KLF17: variants seen among roughly 807,000 people sequenced by gnomAD.
The protein encoded by KLF17 is Krueppel-like factor 17.
Under a neutral mutation model 34.2 loss-of-function variants are expected in KLF17, and 31 were observed. That is an observed-to-expected ratio of 0.91 (90% CI 0.68 to 1.22). The LOEUF (loss-of-function observed/expected upper bound fraction) is 1.22. Among genes scored for constraint, KLF17 ranks in the 50% most tolerant of loss-of-function variants. The pLI is 0.00. For synonymous variants in KLF17, 179 were observed against 186.7 expected, an observed-to-expected ratio of 0.96 and a Z score of 0.34; for missense variants, 478 against 505.2, an observed-to-expected ratio of 0.95 and a Z score of 0.52.
chr1:44,116,305 C>A (rs553214063), upstream of KLF17, among the ~76,000 whole-genome samples: 197 of 152,302 alleles, frequency 1.3e-3, no homozygotes, highest in African/African-American at 4.6e-3. Flanking sequence ...ACATAAGAGC[C>A]TTCTTACCCC....
At chr1:44,047,191 T>A in the KLF17 span, among the ~76,000 whole-genome samples, 1 of 152,234 alleles carries the variant, frequency 6.6e-6, no homozygotes, top group Non-Finnish European at 1.5e-5. Context: ...AATGTTGTAT[T>A]AGTCAGTAAG....
chr1:44,049,482 T>C, the KLF17 span, among the ~76,000 whole-genome samples: 2 of 152,132 alleles, frequency 1.3e-5, no homozygotes, highest in Admixed American at 1.3e-4. Context: ...AATTATACAG[T>C]ATATATTCTT....
chr1:44,073,232 A>G, the KLF17 span, among the ~76,000 whole-genome samples: 2 of 142,616 alleles, frequency 1.4e-5, no homozygotes, highest in East Asian at 4.1e-4. Flanking sequence ...TTTGAGACAG[A>G]GTCTCACTCC....
At chr1:44,099,866 A>AAAGG in the KLF17 span, among the ~76,000 whole-genome samples, 1 of 64,628 alleles carries the variant, frequency 1.5e-5, no homozygotes, top group South Asian at 6.0e-4. Context: ...AGAAAGAAAG[A>AAAGG]AAGAAAGAAA....
At chr1:44,065,274 C>T in the KLF17 span, among the ~76,000 whole-genome samples, 601 of 147,642 alleles carry the variant, frequency 4.1e-3, 1 homozygote, top group African/African-American at 0.013. Flanking sequence ...GGCGACAGAG[C>T]GAGACTCCAT....
At chr1:44,047,561 C>G in the KLF17 span, among the ~76,000 whole-genome samples, 1 of 150,916 alleles carries the variant, frequency 6.6e-6, no homozygotes, top group East Asian at 1.9e-4. Context: ...TTGCTGGGGA[C>G]CCGGCACAGT....
chr1:44,087,671 AC>A, the KLF17 span, among the ~76,000 whole-genome samples: 1 of 141,346 alleles, frequency 7.1e-6, no homozygotes, highest in Non-Finnish European at 1.5e-5. Flanking sequence ...TCCTCACATG[AC>A]CTTTCCTCTG....
At chr1:44,055,037 C>T in the KLF17 span, among the ~76,000 whole-genome samples, 1 of 152,104 alleles carries the variant, frequency 6.6e-6, no homozygotes, top group African/African-American at 2.4e-5. Flanking sequence ...CCTCAGCCTC[C>T]CAAAGTGCTG....
the KLF17 span, among the ~76,000 whole-genome samples, chr1:44,100,064 C>T: frequency 2.1e-3 from 277 of 131,912 alleles, no homozygotes; most frequent in African/African-American, 7.5e-3. Flanking sequence ...GGTGAAACCC[C>T]GTCTCTACTA....
the KLF17 span, among the ~76,000 whole-genome samples, chr1:44,060,970 G>T: frequency 6.6e-6 from 1 of 152,216 alleles, no homozygotes; most frequent in Non-Finnish European, 1.5e-5. Context: ...TATAATCAGG[G>T]CATTAATCCC....
At position 44,133,725 on chromosome 1, in the gene KLF17, AC is replaced by A. The variant is rs1326358513; in HGVS notation, c.*492del. 1 of 151,936 alleles carries A rather than the reference AC, an allele frequency of 6.6e-6. No homozygotes were observed. The highest frequency in any genetic ancestry group is 1.9e-4 in the East Asian group (1 of 5,168). The allele number at this position is 151,936 out of a possible 1,614,324, so 9.4% of individuals were successfully genotyped here. ...TGGCTGTGCCTGCCCCTGCCCTCTCACCCCTACCCTGACCTTGTCCTACTTC... is the reference window on the plus strand; with the variant it reads ...TGGCTGTGCCTGCCCCTGCCCTCTCACCCTACCCTGACCTTGTCCTACTTC... On this transcript the variant is annotated 3_prime_UTR_variant, in exon 4 of 4. Coordinates refer to ENST00000372299, the MANE Select transcript of KLF17 (RefSeq NM_173484.4).
chr1:44,113,370 G>C, the KLF17 span, among the ~76,000 whole-genome samples: 1 of 152,216 alleles, frequency 6.6e-6, no homozygotes, highest in African/African-American at 2.4e-5. Context: ...GGCAGAAAAA[G>C]AAGATTCTTT....
the KLF17 span, among the ~76,000 whole-genome samples, chr1:44,054,399 T>C: frequency 6.6e-6 from 1 of 150,774 alleles, no homozygotes; most frequent in Non-Finnish European, 1.5e-5. Context: ...CAGGAAAATA[T>C]GGGAAGATCA....
chr1:44,120,355 G>C (rs1193906562), intron 1 of KLF17, among the ~76,000 whole-genome samples: 1 of 152,238 alleles, frequency 6.6e-6, no homozygotes, highest in Non-Finnish European at 1.5e-5. Flanking sequence ...GGGGAAGCTT[G>C]CCCAGAGAGA....
the KLF17 span, chr1:44,047,992 TTGTGTGTGTATGTGTGTGTGTGTGTG>T: frequency 1.5e-5 from 2 of 129,134 alleles, no homozygotes; most frequent in African/African-American, 2.9e-5. Flanking sequence ...TAAGAGAACA[TTGTGTGTGTATGTGTGTGTGTGTGTG>T]TGTGTGTGTG....
At chr1:44,120,453 G>A (rs532106982) in intron 1 of KLF17, among the ~76,000 whole-genome samples, 6 of 152,318 alleles carry the variant, frequency 3.9e-5, no homozygotes, top group East Asian at 1.9e-4. Context: ...GTGGCCATGC[G>A]TGTTAGAGAG....
At chr1:44,111,945 A>G in the KLF17 span, among the ~76,000 whole-genome samples, 1 of 152,196 alleles carries the variant, frequency 6.6e-6, no homozygotes, top group African/African-American at 2.4e-5. Flanking sequence ...ACTATTAACT[A>G]AGCTATAGAC....
the KLF17 span, among the ~76,000 whole-genome samples, chr1:44,073,028 T>C: frequency 6.6e-6 from 1 of 152,052 alleles, no homozygotes; most frequent in African/African-American, 2.4e-5. Flanking sequence ...ACAACAGCAG[T>C]GTCAGGAAAT....
the KLF17 span, among the ~76,000 whole-genome samples, chr1:44,083,011 A>G: frequency 1.4e-5 from 2 of 147,804 alleles, no homozygotes; most frequent in Non-Finnish European, 1.5e-5. Flanking sequence ...GTGCCATCAT[A>G]GGCCACTATA....
Sources: gnomAD v4.1 joint callset for allele counts (sites outside exome capture counted in the v4.1 genomes callset) on GRCh38, gnomAD v4.1.1 for gene constraint, MANE v1.5 for transcripts, NCBI Gene and HGNC (gene_info 2026-07-23, HGNC 2026-07-21) for gene names.